The following HFM1 variants were observed in gnomAD, a reference collection of about 807,000 sequenced individuals.
HFM1 encodes probable ATP-dependent DNA helicase HFM1.
Under a neutral mutation model 192.1 loss-of-function variants are expected in HFM1, and 169 were observed. That is an observed-to-expected ratio of 0.88 (90% confidence interval 0.78 to 1.00). The LOEUF is 1.00. HFM1 is among the 50% of genes least tolerant of loss of function. HFM1 has a pLI of 0.00. For synonymous variants in HFM1, 525 were observed against 537.8 expected (o/e 0.98, Z 0.33); for missense variants, 1,661 against 1,668.0 (o/e 1.00, Z 0.07).
At chr1:91,375,138 T>C (rs1660750881) in intron 13 of HFM1, among the ~76,000 whole-genome samples, 1 of 152,066 alleles carries the variant, frequency 6.6e-6, no homozygotes, top group Non-Finnish European at 1.5e-5. Flanking sequence ...TTAAAAAAAA[T>C]AGATAGTAGT....
chr1:91,350,412 A>G (rs977889400), intron 18 of HFM1, among the ~76,000 whole-genome samples: 5 of 152,174 alleles, frequency 3.3e-5, no homozygotes, highest in Admixed American at 1.3e-4. Flanking sequence ...CTGAACACTA[A>G]GTACAGAAAA....
intron 13 of HFM1, among the ~76,000 whole-genome samples, chr1:91,358,019 C>A (rs983392347): frequency 1.3e-5 from 2 of 151,950 alleles, no homozygotes; most frequent in Non-Finnish European, 2.9e-5. Context: ...TCCATACTAC[C>A]CAAAGAAGTA....
chr1:91,378,298 G>T, intron 10 of HFM1, 105 bp downstream of exon 10: 1 of 1,236,422 alleles, frequency 8.1e-7, no homozygotes, highest in East Asian at 2.4e-5. Flanking sequence ...TTTTCCACTT[G>T]AAGGGATAAA....
intron 34 of HFM1, among the ~76,000 whole-genome samples, chr1:91,268,275 T>C (rs2100710748): frequency 1.3e-5 from 2 of 152,176 alleles, no homozygotes; most frequent in African/African-American, 4.8e-5. Context: ...GTTTCTAAAA[T>C]GGTCTTCCTC....
intron 4 of HFM1, among the ~76,000 whole-genome samples, chr1:91,386,060 A>G (rs1245762245): frequency 6.6e-6 from 1 of 152,150 alleles, no homozygotes; most frequent in African/African-American, 2.4e-5. Context: ...TCATCCTCCA[A>G]AACAGCCCAA....
intron 6 of HFM1, among the ~76,000 whole-genome samples, chr1:91,383,591 G>A (rs891420361): frequency 3.3e-5 from 5 of 152,100 alleles, no homozygotes; most frequent in South Asian, 2.1e-4. Context: ...ATGATCCTTC[G>A]AGTGCCCAGG....
upstream of HFM1, among the ~76,000 whole-genome samples, chr1:91,406,283 T>TA (rs1309271585): frequency 6.6e-6 from 1 of 152,236 alleles, no homozygotes; most frequent in Non-Finnish European, 1.5e-5. Context: ...GGTAATTTGT[T>TA]ATAGCAGCTT....
intron 13 of HFM1, among the ~76,000 whole-genome samples, chr1:91,373,747 G>T (rs934924256): frequency 6.6e-6 from 1 of 151,988 alleles, no homozygotes; most frequent in African/African-American, 2.4e-5. Context: ...CAGAAGCCGA[G>T]CAGATGTGGT....
chr1:91,304,125 G>C (rs978616504), intron 30 of HFM1, among the ~76,000 whole-genome samples: 5 of 152,100 alleles, frequency 3.3e-5, no homozygotes, highest in Admixed American at 3.3e-4. Flanking sequence ...AAAGTGTTGG[G>C]ATTACAGATG....
At chr1:91,301,023 T>C (rs1406968642) in intron 30 of HFM1, among the ~76,000 whole-genome samples, 2 of 152,270 alleles carry the variant, frequency 1.3e-5, no homozygotes, top group Non-Finnish European at 1.5e-5. Context: ...CATGATTGTA[T>C]ATCTAGAAAA....
chr1:91,347,292 AT>A, intron 19 of HFM1, 136 bp downstream of exon 19: 1 of 462,908 alleles, frequency 2.2e-6, no homozygotes, highest in Non-Finnish European at 3.9e-6. Context: ...TGAAAAAGAA[AT>A]AGTTCACATT....
chr1:91,343,573 T>A, intron 19 of HFM1, 63 bp from the exon 20 acceptor site: 1 of 633,746 alleles, frequency 1.6e-6, no homozygotes, highest in Non-Finnish European at 2.7e-6. Flanking sequence ...AAAAATAATT[T>A]ATTATTAAAT....
chr1:91,266,086 G>A lies in HFM1; in HGVS notation c.3905C>T (p.Ser1302Leu). 2 of 1,587,294 alleles carry A rather than the reference G, an allele frequency of 1.3e-6. No homozygotes were observed. Among genetic ancestry groups the A allele is most frequent in the African/African-American group, 1.4e-5 (1 of 72,688 alleles). ...GGGTAGCTTACTTCCCCTGGTACTT[G>A]AACTCAAAGTGTTTCCAAATCCTAT... is the stretch of plus-strand genomic sequence containing the variant. Reference protein sequence around the residue: ...KISGFGNTLSSSTRGSKLPLQ... With the variant: ...KISGFGNTLSLSTRGSKLPLQ... Residue 1302 changes from serine (S) to leucine (L), a missense_variant, in exon 36 of 39, where the codon TCA becomes TTA. Transcript: ENST00000370425.
At chr1:91,287,025 C>T (rs4658207) in intron 30 of HFM1, among the ~76,000 whole-genome samples, 7,356 of 152,136 alleles carry the variant, frequency 0.048, 250 homozygotes, top group Middle Eastern at 0.095. Context: ...CACGGAGTCT[C>T]GCTGATTGCT....
chr1:91,333,756 A>T (rs1160100349), intron 20 of HFM1, among the ~76,000 whole-genome samples: 1 of 152,176 alleles, frequency 6.6e-6, no homozygotes, highest in East Asian at 1.9e-4. Context: ...TACCGACAAA[A>T]ATTTAAAAAT....
At chr1:91,341,096 C>T (rs1557876959) in intron 20 of HFM1, among the ~76,000 whole-genome samples, 1 of 152,096 alleles carries the variant, frequency 6.6e-6, no homozygotes, top group East Asian at 1.9e-4. Context: ...ATGGACCTAA[C>T]AGACATCTAC....
At chr1:91,360,906 C>A (rs545636674) in intron 13 of HFM1, among the ~76,000 whole-genome samples, 1 of 152,156 alleles carries the variant, frequency 6.6e-6, no homozygotes, top group African/African-American at 2.4e-5. Flanking sequence ...CAAAACCACA[C>A]AACTACATGA....
chr1:91,401,815 G>C (rs868242352), intron 1 of HFM1, among the ~76,000 whole-genome samples: 12 of 150,924 alleles, frequency 8.0e-5, no homozygotes, highest in African/African-American at 2.9e-4. Flanking sequence ...GATAATTTTT[G>C]CACTCAGAGA....
intron 21 of HFM1, among the ~76,000 whole-genome samples, chr1:91,323,955 TAG>T (rs1368676236): frequency 2.0e-5 from 3 of 152,202 alleles, no homozygotes; most frequent in Non-Finnish European, 4.4e-5. Flanking sequence ...GTAATCAAAT[TAG>T]ATATTTTAAA....
Sources: allele counts gnomAD v4.1 joint callset (sites outside exome capture counted in the v4.1 genomes callset), GRCh38; gene constraint gnomAD v4.1.1; transcripts MANE v1.5; gene names NCBI Gene and HGNC (gene_info 2026-07-23, HGNC 2026-07-21).